Variants in EBF1 observed in about 807,000 individuals in gnomAD.
The protein encoded by EBF1 is EBF transcription factor 1.
A neutral mutation model predicts 68.4 loss-of-function variants in EBF1; 10 were observed. The ratio of observed to expected loss-of-function variants is 0.15; its 90% CI spans 0.09 to 0.25. EBF1 has a LOEUF of 0.25. Ranked by LOEUF, EBF1 falls within the 10% of genes least tolerant of loss-of-function variation. The pLI is 1.00. For missense variants in EBF1, 509 were observed against 794.4 expected (o/e 0.64, Z 4.32); for synonymous variants, 298 against 299.8 (o/e 0.99, Z 0.06).
chr5:158,715,992 G>C lies in EBF1; in HGVS notation c.1126-1810C>G, dbSNP rs72810365. 3.0e-3 allele frequency among the ~76,000 whole-genome samples: 451 copies of C among 152,242 alleles called. 1 individual carries two copies. The highest frequency in any genetic ancestry group is 5.3e-3 in the Non-Finnish European group (361 of 68,008). ...GTATTTTCCTTTCTTTCCATTTTAG[G>C]GGGGAAAAAGGCAAGTCTCCCGTTT... On this transcript the variant is annotated intron_variant, in intron 11 of 15. Transcript: ENST00000313708.
intron 6 of EBF1, among the ~76,000 whole-genome samples, chr5:158,927,198 C>T (rs887162521): frequency 1.3e-5 from 2 of 152,224 alleles, no homozygotes; most frequent in African/African-American, 4.8e-5. Flanking sequence ...GTAGAAATAT[C>T]GTGAGCATTG....
chr5:158,947,264 C>T (rs1237213988), intron 6 of EBF1, among the ~76,000 whole-genome samples: 9 of 152,092 alleles, frequency 5.9e-5, no homozygotes, highest in East Asian at 5.8e-4. Flanking sequence ...GCAGCTAGCT[C>T]GGTGTCTACC....
chr5:159,023,620 T>C (rs1767155121), intron 6 of EBF1, among the ~76,000 whole-genome samples: 1 of 152,106 alleles, frequency 6.6e-6, no homozygotes, highest in Non-Finnish European at 1.5e-5. Flanking sequence ...ATGCAGATAG[T>C]GATTGGAAAG....
At chr5:158,813,416 G>A (rs1249973455) in intron 8 of EBF1, among the ~76,000 whole-genome samples, 8 of 152,146 alleles carry the variant, frequency 5.3e-5, no homozygotes, top group Admixed American at 1.3e-4. Context: ...CCAGGGAGAA[G>A]AATGCAGGGT....
intron 6 of EBF1, among the ~76,000 whole-genome samples, chr5:159,059,387 C>T (rs963894225): frequency 3.3e-5 from 5 of 151,490 alleles, no homozygotes; most frequent in African/African-American, 9.7e-5. Flanking sequence ...TAACATTTCA[C>T]GAGTAATGTT....
At chr5:158,946,496 CT>C (rs1814748878) in intron 6 of EBF1, among the ~76,000 whole-genome samples, 1 of 152,204 alleles carries the variant, frequency 6.6e-6, no homozygotes, top group Non-Finnish European at 1.5e-5. Context: ...CCCTGTTTGC[CT>C]AGGTATCACC....
At chr5:158,943,331 TACACACACACACAC>T (rs59821779) in intron 6 of EBF1, among the ~76,000 whole-genome samples, 1 of 149,316 alleles carries the variant, frequency 6.7e-6, no homozygotes, top group Non-Finnish European at 1.5e-5. Context: ...GTTTATTGGA[TACACACACACACAC>T]ACACACACAC....
chr5:158,825,101 G>T (rs554959126), intron 7 of EBF1, among the ~76,000 whole-genome samples: 2 of 152,288 alleles, frequency 1.3e-5, no homozygotes, highest in African/African-American at 4.8e-5. Context: ...TTGCAGAGTG[G>T]TTCTTCTCTT....
intron 6 of EBF1, among the ~76,000 whole-genome samples, chr5:158,891,469 T>C (rs2128108343): frequency 6.6e-6 from 1 of 152,258 alleles, no homozygotes; most frequent in East Asian, 1.9e-4. Flanking sequence ...CCAGCATCTC[T>C]CCCCTGTTAT....
intron 5 of EBF1, among the ~76,000 whole-genome samples, chr5:159,078,668 G>A (rs938783843): frequency 5.3e-5 from 8 of 152,264 alleles, no homozygotes; most frequent in African/African-American, 1.7e-4. Context: ...CATCCCTTCC[G>A]AACCTGCAAC....
chr5:158,746,152 G>A (rs866046095), intron 10 of EBF1, among the ~76,000 whole-genome samples: 10 of 152,260 alleles, frequency 6.6e-5, no homozygotes, highest in Middle Eastern at 3.4e-3. Context: ...TAAGGTACAC[G>A]CATCATTAGA....
chr5:158,940,402 T>C (rs1227685167), intron 6 of EBF1, among the ~76,000 whole-genome samples: 1 of 152,212 alleles, frequency 6.6e-6, no homozygotes. Flanking sequence ...TGTGGTATCC[T>C]AGGCCACTTA....
intron 8 of EBF1, among the ~76,000 whole-genome samples, chr5:158,811,547 A>C (rs1347457486): frequency 6.6e-6 from 1 of 152,234 alleles, no homozygotes; most frequent in Non-Finnish European, 1.5e-5. Context: ...TAAAACTAAT[A>C]ATACTAGTGC....
chr5:159,082,599 A>AT (rs1459159509), intron 5 of EBF1, among the ~76,000 whole-genome samples: 2 of 152,124 alleles, frequency 1.3e-5, no homozygotes, highest in Non-Finnish European at 1.5e-5. Flanking sequence ...GAAAGTGAGA[A>AT]TTTTTTTCCT....
intron 1 of EBF1, 87 bp from the exon 2 acceptor site, chr5:159,097,217 A>T (rs1372831319): frequency 2.8e-6 from 4 of 1,422,206 alleles, no homozygotes; most frequent in Non-Finnish European, 3.8e-6. Flanking sequence ...GAACCCTCAA[A>T]CACCCACCTC....
intron 6 of EBF1, among the ~76,000 whole-genome samples, chr5:159,043,360 A>G (rs1771643462): frequency 1.3e-5 from 2 of 152,192 alleles, no homozygotes; most frequent in East Asian, 1.9e-4. Flanking sequence ...CTGGCATATC[A>G]TATCATCCTC....
chr5:158,730,215 A>G (rs1479377543), intron 11 of EBF1, among the ~76,000 whole-genome samples: 1 of 152,202 alleles, frequency 6.6e-6, no homozygotes, highest in African/African-American at 2.4e-5. Context: ...AGCTCAACGA[A>G]TTCTGTACTT....
At chr5:158,728,093 A>G (rs2127537769) in intron 11 of EBF1, among the ~76,000 whole-genome samples, 1 of 152,334 alleles carries the variant, frequency 6.6e-6, no homozygotes, top group Middle Eastern at 3.4e-3. Context: ...AACAATGGAC[A>G]GCAGGAGTAT....
At chr5:159,012,513 C>T (rs931385766) in intron 6 of EBF1, among the ~76,000 whole-genome samples, 4 of 151,334 alleles carry the variant, frequency 2.6e-5, no homozygotes, top group Non-Finnish European at 5.9e-5. Context: ...GACAGGGTCT[C>T]ACTCTGTCAC....
Sources: allele counts gnomAD v4.1 joint callset (sites outside exome capture counted in the v4.1 genomes callset), GRCh38; gene constraint gnomAD v4.1.1; transcripts MANE v1.5; gene names NCBI Gene and HGNC (gene_info 2026-07-23, HGNC 2026-07-21).